The following CDCA2 variants were observed in gnomAD, a reference collection of about 807,000 sequenced individuals.
CDCA2 encodes cell division cycle-associated protein 2.
CDCA2 carries 44 observed loss-of-function variants against 67.0 expected under a neutral mutation model. The ratio of observed to expected loss-of-function variants is 0.66; its 90% CI spans 0.52 to 0.84. CDCA2 has a LOEUF of 0.84. Among genes scored for constraint, CDCA2 ranks in the 40% least tolerant of loss-of-function variants. CDCA2 has a pLI of 0.00. For missense variants in CDCA2, 1,253 were observed against 1,203.2 expected, an observed-to-expected ratio of 1.04 and a Z score of -0.61; for synonymous variants, 447 against 418.7, an observed-to-expected ratio of 1.07 and a Z score of -0.82.
chr8:25,497,594 T>C (rs1804286154), intron 13 of CDCA2, among the ~76,000 whole-genome samples: 1 of 151,612 alleles, frequency 6.6e-6, no homozygotes, highest in South Asian at 2.1e-4. Flanking sequence ...TGAGGAGATG[T>C]TGGTTCAAGG....
At chr8:25,478,037 C>T (rs1050300672) in intron 7 of CDCA2, among the ~76,000 whole-genome samples, 4 of 151,612 alleles carry the variant, frequency 2.6e-5, no homozygotes, top group African/African-American at 9.7e-5. Flanking sequence ...AGGAGTCCTC[C>T]TACCTCAGCC....
intron 4 of CDCA2, among the ~76,000 whole-genome samples, chr8:25,463,910 T>C (rs189557150): frequency 6.6e-6 from 1 of 152,354 alleles, no homozygotes; most frequent in Admixed American, 6.5e-5. Flanking sequence ...GCCCTTGTTC[T>C]TGGAGAGTAC....
intron 3 of CDCA2, 96 bp from the exon 4 acceptor site, chr8:25,461,958 A>G: frequency 1.7e-6 from 2 of 1,211,714 alleles, no homozygotes; most frequent in Non-Finnish European, 2.3e-6. Context: ...CATGTTTATC[A>G]TGTTTTCTCT....
chr8:25,485,017 A>G (rs1803712755), intron 10 of CDCA2, among the ~76,000 whole-genome samples: 1 of 152,156 alleles, frequency 6.6e-6, no homozygotes, highest in African/African-American at 2.4e-5. Context: ...TTGGGCTGCA[A>G]AGCCATTTAA....
intron 8 of CDCA2, 126 bp downstream of exon 8, chr8:25,480,250 T>A: frequency 2.5e-6 from 2 of 810,906 alleles, no homozygotes; most frequent in Non-Finnish European, 1.9e-6. Context: ...TTACCGTAAA[T>A]TTTTTTCCTC....
At chr8:25,472,073 C>T (rs1803175259) in intron 7 of CDCA2, 1 of 152,140 alleles carries the variant, frequency 6.6e-6, no homozygotes, top group African/African-American at 2.4e-5. Context: ...CACCTCTGAT[C>T]TCCTTTACCC....
chr8:25,461,291 A>C (rs994087326), intron 3 of CDCA2, among the ~76,000 whole-genome samples: 4 of 134,076 alleles, frequency 3.0e-5, no homozygotes, highest in South Asian at 2.4e-4. Context: ...AAAAAAAAAA[A>C]CACAAACAGA....
At chr8:25,460,656 C>A in intron 3 of CDCA2, 102 bp downstream of exon 3, 1 of 1,197,666 alleles carries the variant, frequency 8.3e-7, no homozygotes, top group Non-Finnish European at 1.2e-6. Context: ...ATTTTAGGTA[C>A]CTAAATTGCC....
intron 10 of CDCA2, among the ~76,000 whole-genome samples, chr8:25,485,525 T>C (rs1803740592): frequency 6.6e-6 from 1 of 152,206 alleles, no homozygotes; most frequent in African/African-American, 2.4e-5. Flanking sequence ...CTTAGTAGTT[T>C]GATGGATTGC....
chr8:25,478,913 T>TATATATATA (rs1803460265), intron 7 of CDCA2, among the ~76,000 whole-genome samples: 2 of 149,378 alleles, frequency 1.3e-5, no homozygotes, highest in African/African-American at 4.9e-5. Context: ...TATATATATA[T>TATATATATA]TAACTTTTTA....
chr8:25,467,776 TTTC>T (rs906989542), intron 5 of CDCA2, among the ~76,000 whole-genome samples: 4 of 152,184 alleles, frequency 2.6e-5, no homozygotes, highest in African/African-American at 9.7e-5. Context: ...GTGGTAGATT[TTTC>T]TTTTCATTGA....
chr8:25,467,027 G>A (rs1802927639), intron 5 of CDCA2, among the ~76,000 whole-genome samples: 1 of 108,668 alleles, frequency 9.2e-6, no homozygotes, highest in Non-Finnish European at 1.7e-5. Context: ...GGGCGAAGAA[G>A]TGAGAGTCCC....
chr8:25,480,512 A>T lies in CDCA2; in HGVS notation c.1032+388A>T, dbSNP rs118172278. 3.7e-3 allele frequency among the ~76,000 whole-genome samples: 563 copies of T among 152,298 alleles called. 26 individuals are homozygous for T. In the East Asian group the frequency reaches 0.081, roughly 22 times the overall value. On this transcript the variant is annotated intron_variant, in intron 8 of 14. Coordinates refer to ENST00000330560, the MANE Select transcript of CDCA2 (RefSeq NM_152562.4). Reference sequence around the variant, plus strand: ...TTAAACTGATCATTCCACCCAAAATATTTAGTCTTAAAAGTACCTCTTATA... The same window carrying T: ...TTAAACTGATCATTCCACCCAAAATTTTTAGTCTTAAAAGTACCTCTTATA...
chr8:25,468,185 T>A (rs1415182995), intron 5 of CDCA2, 32 bp from the exon 6 acceptor site: 1 of 1,243,258 alleles, frequency 8.0e-7, no homozygotes, highest in Non-Finnish European at 1.1e-6. Flanking sequence ...CATTTATGCC[T>A]GTGTCGTTTT....
In CDCA2 at chr8:25,468,463, A is replaced by G. The variant is rs566944029; in HGVS notation, c.735+50A>G. 7.3e-6 allele frequency: 11 copies of G among 1,509,962 alleles called. No homozygotes were observed. The African/African-American group carries it at 9.6e-5, about 13-fold the overall frequency. The allele number at this position is 1,509,962 out of a possible 1,614,324, so 93.5% of individuals were successfully genotyped here. On this transcript the variant is annotated intron_variant, in intron 6 of 14. Transcript: ENST00000330560. The stretch of plus-strand genomic sequence containing the variant: ...GAAAATGAAGTTGTTGGTTTTCTGC[A>G]TAGGCAGTTTTAAGGCTGTCAGTGC...
intron 5 of CDCA2, 83 bp from the exon 6 acceptor site, chr8:25,468,134 A>AAG (rs1554520472): frequency 1.8e-6 from 1 of 562,632 alleles, no homozygotes; most frequent in East Asian, 5.5e-5. Flanking sequence ...AAAAAAAAAA[A>AAG]AAAAAGAAAA....
chr8:25,500,400 A>T (rs1375661724), intron 13 of CDCA2, among the ~76,000 whole-genome samples: 1 of 152,240 alleles, frequency 6.6e-6, no homozygotes, highest in Non-Finnish European at 1.5e-5. Context: ...TTAAAAGTAT[A>T]TGAAGTAATG....
chr8:25,497,026 C>G (rs143686651), intron 13 of CDCA2, among the ~76,000 whole-genome samples: 84 of 151,776 alleles, frequency 5.5e-4, no homozygotes, highest in Non-Finnish European at 1.0e-3. Context: ...TGGCCCTAAG[C>G]AAAATTTTGG....
intron 13 of CDCA2, among the ~76,000 whole-genome samples, chr8:25,495,639 C>T (rs1406197643): frequency 6.6e-6 from 1 of 152,108 alleles, no homozygotes; most frequent in Non-Finnish European, 1.5e-5. Flanking sequence ...CCAGGATGGT[C>T]TCGATCTGCT....
Sources: allele counts gnomAD v4.1 joint callset (sites outside exome capture counted in the v4.1 genomes callset), GRCh38; gene constraint gnomAD v4.1.1; transcripts MANE v1.5; gene names NCBI Gene and HGNC (gene_info 2026-07-23, HGNC 2026-07-21).